The following CORIN variants were observed in gnomAD, a reference collection of about 807,000 sequenced individuals.
The protein encoded by CORIN is corin, serine peptidase.
A neutral mutation model predicts 125.3 loss-of-function variants in CORIN; 117 were observed. The ratio of observed to expected loss-of-function variants is 0.93; its 90% CI spans 0.80 to 1.09. The LOEUF (loss-of-function observed/expected upper bound fraction) is 1.09. Ranked by LOEUF, CORIN falls within the 50% of genes least tolerant of loss-of-function variation. The pLI, the probability that CORIN is intolerant of heterozygous loss-of-function variation, is 0.00. For synonymous variants in CORIN, 450 were observed against 466.4 expected (o/e 0.96, Z 0.45); for missense variants, 1,253 against 1,306.7 (o/e 0.96, Z 0.63).
In CORIN at chr4:47,603,395, A is replaced by G. The variant is rs1272043468; in HGVS notation, c.2812+2T>C. ...TGAGAATGGACTAATACACTGGCTT[A>G]CTTTTATTGCCCATGTGGCCCCAGC... On this transcript the variant is annotated splice_donor_variant, in intron 20 of 21. Transcript: ENST00000273857. LOFTEE classifies it high-confidence loss of function. 6 of 1,613,582 alleles carry G rather than the reference A, an allele frequency of 3.7e-6. No homozygotes were observed. The highest frequency in any genetic ancestry group is 5.1e-6 in the Non-Finnish European group (6 of 1,179,908).
intron 4 of CORIN, among the ~76,000 whole-genome samples, chr4:47,755,803 A>C (rs144872135): frequency 2.7e-3 from 413 of 152,338 alleles, no homozygotes; most frequent in Non-Finnish European, 5.1e-3. Flanking sequence ...TACACACAAA[A>C]TTTGATTTAT....
intron 3 of CORIN, among the ~76,000 whole-genome samples, chr4:47,772,615 T>C (rs945927024): frequency 6.6e-6 from 1 of 152,216 alleles, no homozygotes; most frequent in Admixed American, 6.5e-5. Flanking sequence ...CTGGCTACTA[T>C]TTTATATTTC....
intron 16 of CORIN, among the ~76,000 whole-genome samples, chr4:47,629,002 CAT>C (rs1722699424): frequency 3.3e-5 from 5 of 152,126 alleles, no homozygotes; most frequent in Admixed American, 3.3e-4. Context: ...CTGCAATTAA[CAT>C]GAGAGTGCAG....
At chr4:47,671,608 G>T (rs61163017) in intron 10 of CORIN, among the ~76,000 whole-genome samples, 4,007 of 151,976 alleles carry the variant, frequency 0.026, 185 homozygotes, top group African/African-American at 0.091. Flanking sequence ...TTATTGAGAC[G>T]GAATCTCGAT....
At chr4:47,716,306 T>C (rs1727086703) in intron 5 of CORIN, among the ~76,000 whole-genome samples, 1 of 152,212 alleles carries the variant, frequency 6.6e-6, no homozygotes, top group African/African-American at 2.4e-5. Flanking sequence ...CCTTGGGCTT[T>C]CACACACCTC....
At chr4:47,784,793 A>C (rs1730711344) in intron 3 of CORIN, among the ~76,000 whole-genome samples, 1 of 152,240 alleles carries the variant, frequency 6.6e-6, no homozygotes, top group African/African-American at 2.4e-5. Flanking sequence ...TTAACTTGGC[A>C]TAATTCTGGT....
At chr4:47,757,392 G>A (rs1268054598) in intron 4 of CORIN, among the ~76,000 whole-genome samples, 1 of 151,994 alleles carries the variant, frequency 6.6e-6, no homozygotes, top group Non-Finnish European at 1.5e-5. Context: ...TCAGAAGTTC[G>A]AGACCAGCCT....
intron 10 of CORIN, among the ~76,000 whole-genome samples, chr4:47,672,887 C>A (rs547536809): frequency 3.2e-4 from 48 of 152,112 alleles, no homozygotes; most frequent in African/African-American, 1.1e-3. Context: ...CCTGCCTACA[C>A]CCCCTTCCCA....
intron 5 of CORIN, among the ~76,000 whole-genome samples, chr4:47,708,047 C>A (rs1166038891): frequency 6.6e-6 from 1 of 152,190 alleles, no homozygotes; most frequent in Non-Finnish European, 1.5e-5. Flanking sequence ...CATAAAATAG[C>A]TAATAGGTGG....
intron 3 of CORIN, among the ~76,000 whole-genome samples, chr4:47,771,698 G>GT (rs1730039375): frequency 6.6e-6 from 1 of 152,020 alleles, no homozygotes; most frequent in South Asian, 2.1e-4. Context: ...GTGGTATTTG[G>GT]TTTTCTATTC....
chr4:47,799,639 G>T (rs1270356331), intron 2 of CORIN, among the ~76,000 whole-genome samples: 1 of 151,998 alleles, frequency 6.6e-6, no homozygotes, highest in Non-Finnish European at 1.5e-5. Context: ...ATTGTTAAAA[G>T]AATGATTTTG....
At chr4:47,825,027 T>G (rs1732681614) in intron 1 of CORIN, among the ~76,000 whole-genome samples, 1 of 152,180 alleles carries the variant, frequency 6.6e-6, no homozygotes, top group African/African-American at 2.4e-5. Flanking sequence ...TCACTCCACC[T>G]GGGAAATGTG....
chr4:47,717,083 C>T (rs1485470451), intron 5 of CORIN, among the ~76,000 whole-genome samples: 1 of 152,070 alleles, frequency 6.6e-6, no homozygotes, highest in Admixed American at 6.5e-5. Context: ...TACCCTTGAA[C>T]AAGAGAAATT....
chr4:47,596,017 TCAAC>T, intron 21 of CORIN, 114 bp from the exon 22 acceptor site: 3 of 741,788 alleles, frequency 4.0e-6, no homozygotes, highest in Non-Finnish European at 6.0e-6. Context: ...TTGGAAAGTT[TCAAC>T]AAAGCTTTCC....
At chr4:47,653,746 G>C (rs1332864565) in intron 12 of CORIN, 86 bp from the exon 13 acceptor site, 10 of 1,194,816 alleles carry the variant, frequency 8.4e-6, no homozygotes, top group Middle Eastern at 2.2e-4. Flanking sequence ...TGTTGTCAAG[G>C]AGCTTTTACT....
intron 5 of CORIN, among the ~76,000 whole-genome samples, chr4:47,693,291 T>G (rs1725853148): frequency 1.3e-5 from 2 of 152,180 alleles, no homozygotes; most frequent in Admixed American, 1.3e-4. Flanking sequence ...AGTGATTGCT[T>G]GTCTGAGGAA....
chr4:47,670,976 G>A (rs570568425), intron 10 of CORIN, among the ~76,000 whole-genome samples: 1 of 152,304 alleles, frequency 6.6e-6, no homozygotes, highest in South Asian at 2.1e-4. Context: ...TAAAAAAGCT[G>A]TAGGCACTTC....
rs1724923015 is a variant in CORIN at position 47,674,486 on chromosome 4, G to C, written c.1264C>G (p.Gln422Glu). 3.7e-6 allele frequency: 6 copies of C among 1,611,930 alleles called. No homozygotes were observed. The highest frequency in any genetic ancestry group is 3.3e-5 in the South Asian group (3 of 91,048). The stretch of plus-strand genomic sequence containing the variant: ...TAGAGGCATCTTTGGTCTCCTTCTT[G>C]ACATGAAGTCTGAACTACAGAGGGA... ...ENCSVIQTSC[Q>E]EGDQRCLYNP... The change falls in exon 10 of 22, where the codon CAA (glutamine) becomes GAA (glutamate). Residue 422 changes from glutamine to glutamate, a missense_variant. Coordinates refer to ENST00000273857, the MANE Select transcript of CORIN (RefSeq NM_006587.4).
chr4:47,648,130 A>C (rs1027299701), intron 13 of CORIN, among the ~76,000 whole-genome samples: 21 of 152,338 alleles, frequency 1.4e-4, no homozygotes, highest in Non-Finnish European at 2.8e-4. Context: ...TTTCTTTGTA[A>C]AGTGACATTT....
Sources: allele counts gnomAD v4.1 joint callset (sites outside exome capture counted in the v4.1 genomes callset), GRCh38; gene constraint gnomAD v4.1.1; transcripts MANE v1.5; gene names NCBI Gene and HGNC (gene_info 2026-07-23, HGNC 2026-07-21).